COL6A3: variants seen among roughly 807,000 people sequenced by gnomAD.
The protein encoded by COL6A3 is collagen type VI alpha 3 chain.
Under a neutral mutation model 274.1 loss-of-function variants are expected in COL6A3, and 137 were observed. The ratio of observed to expected loss-of-function variants is 0.50; its 90% confidence interval spans 0.44 to 0.58. The LOEUF is 0.58. Ranked by LOEUF, COL6A3 falls within the 20% of genes least tolerant of loss-of-function variation. The pLI is 0.00. For missense variants in COL6A3, 3,950 were observed against 4,124.9 expected (o/e 0.96, Z 1.16); for synonymous variants, 1,650 against 1,650.6 (o/e 1.00, Z 0.01).
rs886042804 is a variant in COL6A3 at position 237,334,881 on chromosome 2, A to C, written c.8974T>G (p.Ser2992Ala). 6.2e-7 allele frequency: 1 copy of C among 1,614,200 alleles called. No individual in the cohort carries two copies. Among genetic ancestry groups the C allele is most frequent in the East Asian group, 2.2e-5 (1 of 44,884 alleles). The part of the protein sequence containing the change: ...PATTKPMVKM[S>A]REVQVFEITE... ...ATCTCAAACACCTGGACTTCACGGG[A>C]CATCTTAACTGAAAGATAGATCAGA... The change falls in exon 41 of 44, where the codon TCC becomes GCC. Residue 2992 changes from serine (S) to alanine (A), a missense_variant. Ser to Ala is a moderately conservative substitution (Grantham distance 99). Coordinates refer to ENST00000295550, the MANE Select transcript of COL6A3 (RefSeq NM_004369.4).
chr2:237,346,372 G>A lies in COL6A3; in HGVS notation c.7092+131C>T, dbSNP rs147629744. 2.4e-3 allele frequency: 1,843 copies of A among 765,148 alleles called. 14 individuals carry two copies. Among genetic ancestry groups the A allele is most frequent in the Middle Eastern group, 7.2e-3 (19 of 2,644 alleles). 47.4% of individuals were successfully genotyped at this position (765,148 alleles called of 1,614,324 possible). A position where few individuals can be genotyped will look rare whatever the true frequency, so the allele number is the denominator to read the frequency against. Reference sequence around the variant, plus strand: ...TGCTGCATCATGATGTCAGAGAGGCGGTTTGACAACCAAGCAAATACAAAG... The same window carrying A: ...TGCTGCATCATGATGTCAGAGAGGCAGTTTGACAACCAAGCAAATACAAAG... On this transcript the variant is annotated intron_variant, in intron 32 of 43. Transcript: ENST00000295550.
intron 43 of COL6A3, among the ~76,000 whole-genome samples, chr2:237,325,356 G>A (rs1179211150): frequency 6.6e-6 from 1 of 152,140 alleles, no homozygotes; most frequent in African/African-American, 2.4e-5. Flanking sequence ...AATGACAAGG[G>A]ACAATATGTT....
rs113357232 is a variant in COL6A3 at position 237,344,012 on chromosome 2, G to C, written c.7668+338C>G. 1.0e-4 allele frequency: 40 copies of C among 394,274 alleles called. No homozygotes were observed. The highest frequency in any genetic ancestry group is 6.6e-4 in the African/African-American group (32 of 48,508). The allele number at this position is 394,274 out of a possible 1,614,324, so 24.4% of individuals were successfully genotyped here. A position where few individuals can be genotyped will look rare whatever the true frequency, so the allele number is the denominator to read the frequency against. On this transcript the variant is annotated intron_variant, in intron 36 of 43. Transcript: ENST00000295550. The surrounding 1 kb of genome is among the most constrained non-coding windows in gnomAD (Gnocchi z 4.8). ...CATCTTGGGAGGAGACAGGAAGGATGCAAACGTCCAGGTCCTCATGAATAA... is the reference window on the plus strand; with the variant it reads ...CATCTTGGGAGGAGACAGGAAGGATCCAAACGTCCAGGTCCTCATGAATAA...
chr2:237,341,543 T>TAAAAAAAAAAAA (rs71039760), intron 37 of COL6A3, among the ~76,000 whole-genome samples: 5 of 49,118 alleles, frequency 1.0e-4, no homozygotes, highest in African/African-American at 3.6e-4. Context: ...AGACTCTGTC[T>TAAAAAAAAAAAA]AAAAAAAAAA....
rs2076974872 is a variant in COL6A3, at chr2:237,340,957, T to G, written c.7959A>C (p.Pro2653=). Residue 2653 remains proline (P), a synonymous_variant, in exon 38 of 44, where the codon CCA becomes CCC. Coordinates refer to ENST00000295550, the MANE Select transcript of COL6A3 (RefSeq NM_004369.4). ...AYLVRQLDMS[P]DPKASQHFAR... is the part of the protein sequence containing the mutation. The stretch of plus-strand genomic sequence containing the variant: ...CGAAGTGCTGGGAGGCCTTGGGATC[T>G]GGGCTCATGTCCAGTTGTCTGACCA... 1 of 1,614,026 alleles carries G rather than the reference T, an allele frequency of 6.2e-7. No homozygotes were observed. Among genetic ancestry groups the G allele is most frequent in the Admixed American group, 1.7e-5 (1 of 60,004 alleles).
intron 42 of COL6A3, chr2:237,328,455 T>G (rs929619381): frequency 2.0e-5 from 3 of 152,202 alleles, no homozygotes; most frequent in Non-Finnish European, 4.4e-5. Context: ...TGGATGTGCA[T>G]GTGCGATGCA....
chr2:237,364,930 C>T lies in COL6A3; in HGVS notation c.5839-502G>A, dbSNP rs965970702. On this transcript the variant is annotated intron_variant, in intron 12 of 43. Transcript: ENST00000295550. This position sits in a 1 kb window ranked among gnomAD's most constrained non-coding sequence, Gnocchi z 4.6. ...GGGTGCATGTCTGTGGGTGTGTGTGCGTGTGTGCATGTGTGCATGTGTTAT... is the reference window on the plus strand; with the variant it reads ...GGGTGCATGTCTGTGGGTGTGTGTGTGTGTGTGCATGTGTGCATGTGTTAT... Among the ~76,000 whole-genome samples the T allele has an allele frequency of 2.9e-4, 43 of 147,540 alleles. No homozygotes were observed. Among genetic ancestry groups the T allele is most frequent in the African/African-American group, 9.5e-4 (38 of 39,966 alleles).
At chr2:237,357,678 G>A in intron 22 of COL6A3, 139 bp downstream of exon 22, 1 of 916,198 alleles carries the variant, frequency 1.1e-6, no homozygotes, top group South Asian at 1.3e-5. Flanking sequence ...TCCTTCACGG[G>A]GACTCTGCTG....
Position 237,388,012 on chromosome 2 carries a change from G to A in COL6A3, c.882C>T (p.Phe294=), listed in dbSNP as rs7561625. 7,035 of 1,614,196 alleles carry A rather than the reference G, an allele frequency of 4.4e-3. 276 individuals carry two copies. In the African/African-American group the frequency reaches 0.085, roughly 19 times the overall value. ...VQFSDEPRTM[F]SLDTYSTKAQ... is the part of the protein sequence containing the mutation. Reference sequence around the variant, plus strand: ...CCTTGGTGGAGTAGGTGTCCAAGGAGAACATGGTTCTGGGCTCATCGCTAA... The same window carrying A: ...CCTTGGTGGAGTAGGTGTCCAAGGAAAACATGGTTCTGGGCTCATCGCTAA... Residue 294 remains phenylalanine (F), a synonymous_variant, in exon 4 of 44, where the codon TTC becomes TTT. Transcript: ENST00000295550.
At chr2:237,393,247 G>A (rs1180177154) in intron 3 of COL6A3, among the ~76,000 whole-genome samples, 1 of 152,176 alleles carries the variant, frequency 6.6e-6, no homozygotes, top group Non-Finnish European at 1.5e-5. Flanking sequence ...CCACACTAAT[G>A]GAGACACCCA....
At position 237,361,162 on chromosome 2, in the gene COL6A3, C is replaced by T; in HGVS notation, c.6169G>A (p.Glu2057Lys). Residue 2057 changes from glutamate to lysine, a missense_variant, in exon 16 of 44, where the codon GAA (glutamate) becomes AAA (lysine). Glu to Lys is a moderately conservative substitution (Grantham distance 56). This residue lies in a region of COL6A3 where 92 missense variants were observed against 143.4 expected (regional missense o/e 0.64). Transcript: ENST00000295550. This position sits in a 1 kb window ranked among gnomAD's most constrained non-coding sequence, Gnocchi z 5.1. Reference protein sequence around the residue: ...GSIGPKGIPGEDGYRGYPGDE... With the variant: ...GSIGPKGIPGKDGYRGYPGDE... ...CCAGGATAGCCTCGGTAGCCGTCTT[C>T]TCCAGGAATACCCTGAAACAAAGTA... 1 of 1,614,118 alleles carries T rather than the reference C, an allele frequency of 6.2e-7. No individual in the cohort carries two copies. Among genetic ancestry groups the T allele is most frequent in the South Asian group, 1.1e-5 (1 of 91,080 alleles).
chr2:237,395,006 C>T lies in COL6A3; in HGVS notation c.290G>A (p.Arg97His), dbSNP rs201249839. The T allele has an allele frequency of 2.0e-5, 33 of 1,614,092 alleles. No homozygotes were observed. The highest frequency in any genetic ancestry group is 2.4e-5 in the Non-Finnish European group (28 of 1,180,006). ...ATGAGAAAGGACTTCTTGTTTAGTA[C>T]GATACGTATTTAACAGGAACTCGGT... The part of the protein sequence containing the change: ...PHTEFLLNTY[R>H]TKQEVLSHIS... The change falls in exon 3 of 44, where the codon CGT becomes CAT. Residue 97 changes from arginine to histidine, a missense_variant. By Grantham distance (29) the Arg-to-His change is conservative (BLOSUM62 0). Coordinates refer to ENST00000295550, the MANE Select transcript of COL6A3 (RefSeq NM_004369.4).
Position 237,324,705 on chromosome 2 carries a change from C to T in COL6A3, c.*69G>A. 6.8e-7 allele frequency: 1 copy of T among 1,480,096 alleles called. No homozygotes were observed. The highest frequency in any genetic ancestry group is 9.4e-7 in the Non-Finnish European group (1 of 1,059,260). The allele number at this position is 1,480,096 out of a possible 1,614,324, so 91.7% of individuals were successfully genotyped here. On this transcript the variant is annotated 3_prime_UTR_variant, in exon 44 of 44. Transcript: ENST00000295550. Reference sequence around the variant, plus strand: ...GCAAGGGAATCTACACCCGGAGCTTCTACAGAGACAAGTTGGCGATGGCTG... The same window carrying T: ...GCAAGGGAATCTACACCCGGAGCTTTTACAGAGACAAGTTGGCGATGGCTG...
intron 40 of COL6A3, 86 bp from the exon 41 acceptor site, chr2:237,334,975 T>A: frequency 6.6e-7 from 1 of 1,509,392 alleles, no homozygotes; most frequent in Non-Finnish European, 9.2e-7. Context: ...CTGAAAGGGA[T>A]GTGTTAACAG....
rs547473882 is a variant in COL6A3 at position 237,359,929 on chromosome 2, C to T, written c.6282+159G>A. Among the ~76,000 whole-genome samples, 3 of 152,332 alleles carry T rather than the reference C, an allele frequency of 2.0e-5. No homozygotes were observed. In the South Asian group the frequency reaches 6.2e-4, roughly 32 times the overall value. On this transcript the variant is annotated intron_variant, in intron 17 of 43. Coordinates refer to ENST00000295550, the MANE Select transcript of COL6A3 (RefSeq NM_004369.4). The stretch of plus-strand genomic sequence containing the variant: ...ACCAGCTGCAGCCCCTGCTCCTGAA[C>T]CCACCCTGCTCAGAACTGCCTTCCA...
At chr2:237,380,849 G>A in intron 5 of COL6A3, 66 bp downstream of exon 5, 3 of 1,413,770 alleles carry the variant, frequency 2.1e-6, no homozygotes, top group South Asian at 2.4e-5. Context: ...ACTTCATTTT[G>A]TTTTGTTCTT....
chr2:237,368,900 T>C lies in COL6A3; in HGVS notation c.4563A>G (p.Glu1521=), dbSNP rs2077618352. 6.2e-6 allele frequency: 10 copies of C among 1,614,160 alleles called. No homozygotes were observed. Among genetic ancestry groups the C allele is most frequent in the Non-Finnish European group, 8.5e-6 (10 of 1,180,012 alleles). The part of the protein sequence containing the change: ...GSPLNTGKAL[E]FVARNLFVKS... ...TAACAAAGAGGTTTCTTGCCACAAA[T>C]TCGAGAGCCTTGCCAGTGTTCAGTG... Residue 1521 remains glutamate, a synonymous_variant, in exon 10 of 44, where the codon GAA becomes GAG. Transcript: ENST00000295550. This position sits in a 1 kb window ranked among gnomAD's most constrained non-coding sequence, Gnocchi z 4.4.
intron 25 of COL6A3, among the ~76,000 whole-genome samples, chr2:237,353,043 T>C (rs1260872409): frequency 2.6e-5 from 4 of 152,188 alleles, no homozygotes; most frequent in African/African-American, 9.6e-5. Flanking sequence ...TAGTAAATGA[T>C]TCCATTTATA....
At position 237,325,562 on chromosome 2, in the gene COL6A3, G is replaced by A. The variant is rs758255181; in HGVS notation, c.9491C>T (p.Pro3164Leu). ...AAACACAAGGAAGAATCACTTACCA[G>A]GAGCGCAAACCTTTTCACATTCTTT... ...SQKECEKVCAPVLAKPGVISV... is the reference protein window; with the variant it reads ...SQKECEKVCALVLAKPGVISV... Residue 3164 changes from proline (P) to leucine (L), a missense_variant and splice_region_variant, in exon 43 of 44, where the codon CCT becomes CTT. Physicochemically the swap from Pro to Leu is moderately conservative, Grantham distance 98. This residue lies in a region of COL6A3 where 1,284 missense variants were observed against 1,349.7 expected (regional missense o/e 0.95). Transcript: ENST00000295550. 1.2e-6 allele frequency: 2 copies of A among 1,614,112 alleles called. No individual in the cohort carries two copies. Among genetic ancestry groups the A allele is most frequent in the South Asian group, 2.2e-5 (2 of 91,074 alleles).
Sources: allele counts gnomAD v4.1 joint callset (sites outside exome capture counted in the v4.1 genomes callset), GRCh38; gene constraint gnomAD v4.1.1; regional missense constraint gnomAD v4.1.1; non-coding constraint Gnocchi (gnomAD v3.1); transcripts MANE v1.5; gene names NCBI Gene and HGNC (gene_info 2026-07-23, HGNC 2026-07-21).